THADA: variants seen among roughly 807,000 people sequenced by gnomAD.
The protein encoded by THADA is THADA armadillo repeat containing, also known as tRNA (32-2'-O)-methyltransferase regulator THADA.
Under a neutral mutation model 219.8 loss-of-function variants are expected in THADA, and 213 were observed. That is an observed-to-expected ratio of 0.97 (90% CI 0.87 to 1.09). The LOEUF (loss-of-function observed/expected upper bound fraction) is 1.09, where lower values mean the gene tolerates loss of function less well. THADA is among the 50% of genes least tolerant of loss of function. The pLI is 0.00. For missense variants in THADA, 2,956 were observed against 2,311.3 expected (o/e 1.28, Z -5.72); for synonymous variants, 1,018 against 828.9 (o/e 1.23, Z -3.92).
At chr2:43,409,633 G>A (rs889793707) in intron 28 of THADA, among the ~76,000 whole-genome samples, 1 of 151,956 alleles carries the variant, frequency 6.6e-6, no homozygotes, top group East Asian at 1.9e-4. Context: ...ACTTTTTCTT[G>A]CTGCAATTTA....
At chr2:43,266,709 A>C (rs1005054459) in intron 36 of THADA, among the ~76,000 whole-genome samples, 1 of 152,194 alleles carries the variant, frequency 6.6e-6, no homozygotes, top group Non-Finnish European at 1.5e-5. Flanking sequence ...AGAATGAGCA[A>C]TGTAAGAGCT....
chr2:43,486,527 T>C (rs1686938506), intron 25 of THADA: 1 of 152,168 alleles, frequency 6.6e-6, no homozygotes, highest in Admixed American at 6.5e-5. Flanking sequence ...GACCTTATAC[T>C]CTAATTAAGT....
At chr2:43,576,646 G>C (rs115333939) in intron 10 of THADA, among the ~76,000 whole-genome samples, 1 of 152,202 alleles carries the variant, frequency 6.6e-6, no homozygotes, top group African/African-American at 2.4e-5. Flanking sequence ...CTAACCTGCA[G>C]CAATAATTTT....
intron 36 of THADA, among the ~76,000 whole-genome samples, chr2:43,279,090 C>A (rs960081053): frequency 6.6e-6 from 1 of 152,194 alleles, no homozygotes; most frequent in Non-Finnish European, 1.5e-5. Flanking sequence ...TCTCTTTCAT[C>A]CAGCAGCCCA....
At chr2:43,456,902 G>C (rs1683065132) in intron 26 of THADA, among the ~76,000 whole-genome samples, 1 of 152,046 alleles carries the variant, frequency 6.6e-6, no homozygotes, top group Non-Finnish European at 1.5e-5. Context: ...AATGCAAATA[G>C]CTTTTAAAAA....
At chr2:43,373,162 G>A (rs112377148) in intron 29 of THADA, among the ~76,000 whole-genome samples, 276 of 152,280 alleles carry the variant, frequency 1.8e-3, no homozygotes, top group African/African-American at 6.5e-3. Flanking sequence ...TAACAAACAT[G>A]TATTGGGTGT....
intron 10 of THADA, among the ~76,000 whole-genome samples, chr2:43,576,783 T>C (rs1042744670): frequency 2.0e-5 from 3 of 152,160 alleles, no homozygotes; most frequent in African/African-American, 7.2e-5. Flanking sequence ...GCCTCCCACG[T>C]AGCTGAGACT....
chr2:43,335,152 G>C (rs947413166), intron 30 of THADA, among the ~76,000 whole-genome samples: 8 of 152,196 alleles, frequency 5.3e-5, no homozygotes, highest in African/African-American at 1.9e-4. Context: ...TAGTGAATGA[G>C]AGTCTTCATT....
intron 29 of THADA, among the ~76,000 whole-genome samples, chr2:43,384,680 T>G (rs889032275): frequency 1.3e-5 from 2 of 152,188 alleles, no homozygotes; most frequent in African/African-American, 4.8e-5. Flanking sequence ...TAAGAAAAAT[T>G]TGGGGCTGGA....
intron 36 of THADA, among the ~76,000 whole-genome samples, chr2:43,267,934 G>T (rs1468514795): frequency 6.6e-6 from 1 of 152,164 alleles, no homozygotes; most frequent in East Asian, 1.9e-4. Context: ...TCCATTTCAA[G>T]ATACACCCCA....
At chr2:43,247,778 C>T (rs932831770) in intron 36 of THADA, among the ~76,000 whole-genome samples, 9 of 146,014 alleles carry the variant, frequency 6.2e-5, no homozygotes, top group African/African-American at 2.3e-4. Flanking sequence ...CATAGTGGCT[C>T]ATGCCTATAT....
chr2:43,566,673 T>A, intron 15 of THADA, 25 bp downstream of exon 15: 1 of 1,607,764 alleles, frequency 6.2e-7, no homozygotes, highest in Non-Finnish European at 8.5e-7. Context: ...AAAAATTACT[T>A]CCCCTAACAT....
intron 29 of THADA, among the ~76,000 whole-genome samples, chr2:43,367,921 A>T (rs922270585): frequency 2.6e-5 from 4 of 152,140 alleles, no homozygotes; most frequent in Non-Finnish European, 5.9e-5. Context: ...GATCGAGACC[A>T]TCCTGGCCAA....
chr2:43,321,685 TAC>T (rs1325712740), intron 30 of THADA, among the ~76,000 whole-genome samples: 1 of 152,216 alleles, frequency 6.6e-6, no homozygotes, highest in Non-Finnish European at 1.5e-5. Flanking sequence ...ATACAATACA[TAC>T]ATTCTGTTAC....
At chr2:43,351,488 TTCC>T (rs138083005) in intron 29 of THADA, among the ~76,000 whole-genome samples, 9,979 of 152,250 alleles carry the variant, frequency 0.066, 366 homozygotes, top group South Asian at 0.18. Context: ...CTCCCCAGCT[TTCC>T]TCAACTACCC....
At chr2:43,499,089 A>T in intron 24 of THADA, 134 bp from the exon 25 acceptor site, 2 of 968,424 alleles carry the variant, frequency 2.1e-6, no homozygotes, top group Non-Finnish European at 2.9e-6. Context: ...CAAATGAAAT[A>T]GCAGATTTAA....
At chr2:43,517,082 T>C (rs866331544) in intron 22 of THADA, among the ~76,000 whole-genome samples, 6 of 152,162 alleles carry the variant, frequency 3.9e-5, no homozygotes, top group African/African-American at 1.2e-4. Context: ...CTAAATGAAC[T>C]GGGTGACATG....
At chr2:43,528,124 AG>A (rs1693399884) in intron 21 of THADA, 136 bp from the exon 22 acceptor site, 1 of 349,644 alleles carries the variant, frequency 2.9e-6, no homozygotes, top group African/African-American at 2.4e-5. Context: ...ACATGTTTTA[AG>A]CTTTTTTTTT....
intron 28 of THADA, among the ~76,000 whole-genome samples, chr2:43,421,675 G>C (rs542595468): frequency 2.4e-4 from 36 of 152,206 alleles, no homozygotes; most frequent in African/African-American, 8.7e-4. Flanking sequence ...CTGGAATGGA[G>C]AAAAATACAG....
Sources: gnomAD v4.1 joint callset for allele counts (sites outside exome capture counted in the v4.1 genomes callset) on GRCh38, gnomAD v4.1.1 for gene constraint, MANE v1.5 for transcripts, NCBI Gene and HGNC (gene_info 2026-07-23, HGNC 2026-07-21) for gene names.